The following RYR2 variants were observed in gnomAD, a reference collection of about 807,000 sequenced individuals.
RYR2 encodes ryanodine receptor 2, also known as cardiac muscle ryanodine receptor-calcium release channel.
A neutral mutation model predicts 601.1 loss-of-function variants in RYR2; 227 were observed. That is an observed-to-expected ratio of 0.38 (90% CI 0.34 to 0.42). RYR2 has a LOEUF of 0.42. Among genes scored for constraint, RYR2 ranks in the 10% least tolerant of loss-of-function variants. The probability of loss-of-function intolerance (pLI) is 1.00; values close to 1 mark genes in which losing one functional copy is unlikely to be tolerated. For synonymous variants in RYR2, 2,223 were observed against 2,175.1 expected (o/e 1.02, Z -0.61); for missense variants, 4,646 against 6,156.5 (o/e 0.75, Z 8.21).
chr1:237,121,030 C>CTGTGTGTGTGTGTGTGTGTG (rs146153915), intron 1 of RYR2: 1 of 147,966 alleles, frequency 6.8e-6, no homozygotes, highest in Admixed American at 6.8e-5. Context: ...GTTTAAAATG[C>CTGTGTGTGTGTGTGTGTGTG]TGTGTGTGTG....
intron 2 of RYR2, among the ~76,000 whole-genome samples, chr1:237,276,443 TAAAC>T (rs1690298535): frequency 1.3e-5 from 2 of 152,022 alleles, no homozygotes; most frequent in South Asian, 4.1e-4. Flanking sequence ...ATCAATGAAT[TAAAC>T]AACCAGATGA....
intron 14 of RYR2, among the ~76,000 whole-genome samples, chr1:237,448,402 T>A (rs901516204): frequency 6.6e-6 from 1 of 152,344 alleles, no homozygotes; most frequent in African/African-American, 2.4e-5. Flanking sequence ...TTATTAAGAC[T>A]TGTTTTATGG....
chr1:237,694,307 A>AG (rs1272988035), intron 63 of RYR2, among the ~76,000 whole-genome samples: 7 of 151,984 alleles, frequency 4.6e-5, no homozygotes, highest in Admixed American at 6.6e-5. Flanking sequence ...AAAAAAAAAA[A>AG]AAAGAAAAAT....
At chr1:237,674,056 C>T (rs748296262) in intron 58 of RYR2, 40 bp from the exon 59 acceptor site, 9 of 1,556,374 alleles carry the variant, frequency 5.8e-6, no homozygotes, top group South Asian at 4.7e-5. Flanking sequence ...AGATTCTTTT[C>T]AAATTACTAT....
intron 34 of RYR2, among the ~76,000 whole-genome samples, chr1:237,600,328 G>T (rs144295225): frequency 2.5e-3 from 386 of 152,106 alleles, no homozygotes; most frequent in Non-Finnish European, 4.4e-3. Flanking sequence ...TTCAACAAAG[G>T]TGCCAAGAAC....
At position 237,649,732 on chromosome 1, in the gene RYR2, T is replaced by G; in HGVS notation, c.7513-145T>G. 3.1e-6 allele frequency: 2 copies of G among 651,882 alleles called. 1 individual carries two copies. The highest frequency in any genetic ancestry group is 3.6e-5 in the African/African-American group (2 of 55,400). The allele number at this position is 651,882 out of a possible 1,614,324, so 40.4% of individuals were successfully genotyped here. On this transcript the variant is annotated intron_variant, in intron 49 of 104. Transcript: ENST00000366574. ...GTAAAAATCATATGAACCCGACACT[T>G]AAAGATGTAACTAAAGAATACATTT...
chr1:237,261,852 G>A (rs575451362), intron 1 of RYR2, among the ~76,000 whole-genome samples: 2 of 152,078 alleles, frequency 1.3e-5, no homozygotes, highest in African/African-American at 2.4e-5. Flanking sequence ...TAGCATCTCC[G>A]ATCCCCTTAT....
At chr1:237,533,597 G>T (rs917925834) in intron 25 of RYR2, among the ~76,000 whole-genome samples, 8 of 152,060 alleles carry the variant, frequency 5.3e-5, no homozygotes, top group African/African-American at 1.9e-4. Context: ...CACCATAGAT[G>T]AACCTAAAAA....
chr1:237,454,452 G>T lies in RYR2; in HGVS notation c.1354G>T (p.Val452Leu). ...CACAGTCGATTTGCCTATAGAGTCC[G>T]TAAGCCTAAGTCTGCAGGATCTCAT... ...ASTVDLPIES[V>L]SLSLQDLIGY... The change falls in exon 15 of 105, where the codon GTA becomes TTA. Residue 452 changes from valine (V) to leucine (L), a missense_variant. This residue lies in a region of RYR2 where 1,807 missense variants were observed against 2,088.1 expected (regional missense o/e 0.87). Transcript: ENST00000366574. 1.2e-6 allele frequency: 2 copies of T among 1,613,514 alleles called. No individual in the cohort carries two copies. Among genetic ancestry groups the T allele is most frequent in the Non-Finnish European group, 1.7e-6 (2 of 1,179,640 alleles).
intron 2 of RYR2, among the ~76,000 whole-genome samples, chr1:237,312,979 A>G (rs1335965253): frequency 6.6e-6 from 1 of 152,052 alleles, no homozygotes; most frequent in Non-Finnish European, 1.5e-5. Flanking sequence ...AGTCCTTTAT[A>G]TTATTGACTC....
chr1:237,096,866 C>T (rs1390481385), intron 1 of RYR2, among the ~76,000 whole-genome samples: 1 of 152,258 alleles, frequency 6.6e-6, no homozygotes, highest in East Asian at 1.9e-4. Flanking sequence ...TCCAGGAGAG[C>T]TTGCCTCCTA....
intron 1 of RYR2, among the ~76,000 whole-genome samples, chr1:237,182,182 C>T (rs773008181): frequency 6.6e-5 from 10 of 151,728 alleles, no homozygotes; most frequent in African/African-American, 9.7e-5. Context: ...AGTACAGTGG[C>T]GCGATCTTGG....
intron 3 of RYR2, among the ~76,000 whole-genome samples, chr1:237,335,113 G>A (rs187598133): frequency 2.0e-4 from 31 of 151,838 alleles, no homozygotes; most frequent in African/African-American, 6.0e-4. Context: ...TCCTCCCCTC[G>A]ACCCCAGTAT....
chr1:237,572,841 A>T (rs1214062442), intron 29 of RYR2, among the ~76,000 whole-genome samples: 3 of 152,082 alleles, frequency 2.0e-5, no homozygotes, highest in Non-Finnish European at 4.4e-5. Context: ...TTGGTACTGG[A>T]ATATCTCTTC....
chr1:237,336,593 C>T lies in RYR2; in HGVS notation c.273+5611C>T, dbSNP rs191942098. On this transcript the variant is annotated intron_variant, in intron 3 of 104. Coordinates refer to ENST00000366574, the MANE Select transcript of RYR2 (RefSeq NM_001035.3). Reference sequence around the variant, plus strand: ...TGTGTTGGCTGGGCACGGTGGCTCACGCCTGTAATCCCAGCACTTTGGGAG... The same window carrying T: ...TGTGTTGGCTGGGCACGGTGGCTCATGCCTGTAATCCCAGCACTTTGGGAG... Among the ~76,000 whole-genome samples the T allele has an allele frequency of 6.9e-3, 1,044 of 152,214 alleles. 6 individuals are homozygous for T. Among genetic ancestry groups the T allele is most frequent in the Non-Finnish European group, 9.1e-3 (617 of 68,022 alleles).
At chr1:237,724,178 T>A (rs910392774) in intron 74 of RYR2, among the ~76,000 whole-genome samples, 46 of 85,136 alleles carry the variant, frequency 5.4e-4, no homozygotes, top group African/African-American at 2.1e-3. Context: ...AATGTATGTG[T>A]GTGTGCATAT....
At chr1:237,592,036 G>GCAT (rs1182171150) in intron 32 of RYR2, among the ~76,000 whole-genome samples, 183 bp downstream of exon 32, 5 of 152,138 alleles carry the variant, frequency 3.3e-5, no homozygotes, top group Admixed American at 1.3e-4. Context: ...TGGATATTAT[G>GCAT]CAATACAAGA....
rs542115962 is a variant in RYR2 at position 237,720,889 on chromosome 1, T to C, written c.10555-2239T>C. 1.1e-3 allele frequency among the ~76,000 whole-genome samples: 162 copies of C among 152,272 alleles called. 1 individual carries two copies. Among genetic ancestry groups the C allele is most frequent in the Non-Finnish European group, 1.6e-3 (107 of 68,018 alleles). ...GTAAGAATATTTTGGACAGTTTAGA[T>C]GACGTATTCAGGAGACAGGAAGAAG... On this transcript the variant is annotated intron_variant, in intron 73 of 104. Transcript: ENST00000366574.
chr1:237,355,952 T>C lies in RYR2; in HGVS notation c.274-13T>C. 1.3e-6 allele frequency: 2 copies of C among 1,598,286 alleles called. No homozygotes were observed. The highest frequency in any genetic ancestry group is 1.1e-5 in the South Asian group (1 of 88,522). ...GTTTGTTTGTTATTTATTTTGGCTT[T>C]TTCTTTCCACAGCAAGTTGATGTGG... On this transcript the variant is annotated splice_polypyrimidine_tract_variant and intron_variant, in intron 3 of 104. Coordinates refer to ENST00000366574, the MANE Select transcript of RYR2 (RefSeq NM_001035.3).
Sources: gnomAD v4.1 joint callset for allele counts (sites outside exome capture counted in the v4.1 genomes callset) on GRCh38, gnomAD v4.1.1 for gene constraint, gnomAD v4.1.1 regional missense constraint, MANE v1.5 for transcripts, NCBI Gene and HGNC (gene_info 2026-07-23, HGNC 2026-07-21) for gene names.